KIAA1586: variants seen among roughly 807,000 people sequenced by gnomAD.
KIAA1586 encodes KIAA1586.
A neutral mutation model predicts 6.1 loss-of-function variants in KIAA1586; 5 were observed. The observed-to-expected ratio is 0.82, with a 90% CI of 0.43 to 1.73. The LOEUF is 1.73. Among genes scored for constraint, KIAA1586 ranks in the 40% most tolerant of loss-of-function variants. The pLI, the probability that KIAA1586 is intolerant of heterozygous loss-of-function variation, is 0.02. For missense variants in KIAA1586, 899 were observed against 878.2 expected, an observed-to-expected ratio of 1.02 and a Z score of -0.30; for synonymous variants, 280 against 301.7, an observed-to-expected ratio of 0.93 and a Z score of 0.75.
At chr6:57,060,881 C>T in the KIAA1586 span, among the ~76,000 whole-genome samples, 1 of 152,054 alleles carries the variant, frequency 6.6e-6, no homozygotes, top group Non-Finnish European at 1.5e-5. Context: ...GAACCCCTGG[C>T]CTCAAGTGAT....
rs201141258 is a variant in KIAA1586, at chr6:57,050,778, G to A, written c.110G>A (p.Gly37Glu). Residue 37 changes from glycine to glutamate, a missense_variant, in exon 3 of 4, where the codon GGA (glycine) becomes GAA (glutamate). Gly to Glu is a moderately conservative substitution (Grantham distance 98). Coordinates refer to ENST00000370733, the MANE Select transcript of KIAA1586 (RefSeq NM_020931.4). Reference protein sequence around the residue: ...NEDDIQFVSEGPSRPVLEYID... With the variant: ...NEDDIQFVSEEPSRPVLEYID... ...ATTTGCCCACTTCCTTTTTAGGAAGGACCATCGAGACCTGTTCTTGAATAC... is the reference window on the plus strand; with the variant it reads ...ATTTGCCCACTTCCTTTTTAGGAAGAACCATCGAGACCTGTTCTTGAATAC... 1.9e-6 allele frequency: 3 copies of A among 1,609,634 alleles called. No homozygotes were observed. The highest frequency in any genetic ancestry group is 2.5e-6 in the Non-Finnish European group (3 of 1,177,200).
chr6:57,062,481 A>G, the KIAA1586 span, among the ~76,000 whole-genome samples: 2 of 152,210 alleles, frequency 1.3e-5, no homozygotes, highest in African/African-American at 4.8e-5. Context: ...GAACTACAAG[A>G]TTTCAGAGCA....
At position 57,052,858 on chromosome 6, in the gene KIAA1586, C is replaced by T; in HGVS notation, c.359C>T (p.Pro120Leu). 6.2e-7 allele frequency: 1 copy of T among 1,612,468 alleles called. No individual in the cohort carries two copies. The highest frequency in any genetic ancestry group is 8.5e-7 in the Non-Finnish European group (1 of 1,179,340). The change falls in exon 4 of 4, where the codon CCA becomes CTA. Residue 120 changes from proline to leucine, a missense_variant. Transcript: ENST00000370733. Reference protein sequence around the residue: ...YIEQPIIEEKPSLSSKKEIDN... With the variant: ...YIEQPIIEEKLSLSSKKEIDN... ...GAACAACCAATCATTGAAGAAAAGC[C>T]ATCACTTTCATCAAAGAAAGAAATA...
At chr6:57,062,912 G>A in the KIAA1586 span, among the ~76,000 whole-genome samples, 1 of 152,102 alleles carries the variant, frequency 6.6e-6, no homozygotes, top group Non-Finnish European at 1.5e-5. Context: ...TTAGCCGGGC[G>A]TGGCGGCATG....
chr6:57,063,791 C>T, the KIAA1586 span, among the ~76,000 whole-genome samples: 40 of 152,180 alleles, frequency 2.6e-4, no homozygotes, highest in African/African-American at 9.4e-4. Flanking sequence ...TTATTATTAA[C>T]AATTTTTATT....
chr6:57,052,539 A>G, intron 3 of KIAA1586, 147 bp from the exon 4 acceptor site: 1 of 526,160 alleles, frequency 1.9e-6, no homozygotes, highest in Non-Finnish European at 3.0e-6. Context: ...AGCAAGTCAT[A>G]TTGATATTAT....
At chr6:57,050,630 G>C (rs1828294872) in intron 2 of KIAA1586, 144 bp from the exon 3 acceptor site, 1 of 608,674 alleles carries the variant, frequency 1.6e-6, no homozygotes, top group South Asian at 1.9e-5. Flanking sequence ...TGCCCGTTTT[G>C]TTTCTAATTA....
chr6:57,063,253 A>G, the KIAA1586 span, among the ~76,000 whole-genome samples: 1 of 152,102 alleles, frequency 6.6e-6, no homozygotes, highest in Admixed American at 6.5e-5. Flanking sequence ...TAATCAACAA[A>G]TATTACCAGA....
At chr6:57,063,625 T>C in the KIAA1586 span, among the ~76,000 whole-genome samples, 1 of 151,940 alleles carries the variant, frequency 6.6e-6, no homozygotes, top group Non-Finnish European at 1.5e-5. Context: ...GTCTAATTTT[T>C]GTATTTTTAG....
chr6:57,051,926 A>G (rs1828339615), intron 3 of KIAA1586, among the ~76,000 whole-genome samples: 2 of 152,192 alleles, frequency 1.3e-5, no homozygotes, highest in Non-Finnish European at 1.5e-5. Flanking sequence ...GTGAGCTGAG[A>G]TCGCGCCACT....
rs1593049853 is a variant in KIAA1586 at position 57,053,240 on chromosome 6, A to G, written c.741A>G (p.Val247=). Reference sequence around the variant, plus strand: ...ATAATAAAAATATTGATGCTACTGTAAAAGTTTTCAATACTGTTTACAGTT... The same window carrying G: ...ATAATAAAAATATTGATGCTACTGTGAAAGTTTTCAATACTGTTTACAGTT... The part of the protein sequence containing the change: ...KQNNKNIDAT[V]KVFNTVYSLV... Residue 247 remains valine, a synonymous_variant, in exon 4 of 4, where the codon GTA becomes GTG. Transcript: ENST00000370733. 1 of 1,599,812 alleles carries G rather than the reference A, an allele frequency of 6.3e-7. No homozygotes were observed. Among genetic ancestry groups the G allele is most frequent in the African/African-American group, 1.4e-5 (1 of 73,940 alleles).
chr6:57,061,441 G>A, the KIAA1586 span, among the ~76,000 whole-genome samples: 2 of 151,878 alleles, frequency 1.3e-5, no homozygotes, highest in African/African-American at 4.8e-5. Flanking sequence ...TGCCCAGGTG[G>A]GAGTGCAGTG....
the KIAA1586 span, among the ~76,000 whole-genome samples, chr6:57,064,671 G>A: frequency 6.6e-6 from 1 of 152,142 alleles, no homozygotes; most frequent in Non-Finnish European, 1.5e-5. Flanking sequence ...ATGGTGGGAG[G>A]CCCGGGGGTT....
At chr6:57,065,609 C>G in the KIAA1586 span, among the ~76,000 whole-genome samples, 126 of 152,010 alleles carry the variant, frequency 8.3e-4, no homozygotes, top group African/African-American at 2.9e-3. Context: ...ACCTCTACCT[C>G]CCAAGTAGCT....
Position 57,054,299 on chromosome 6 carries a change from T to A in KIAA1586, c.1800T>A (p.Ala600=). ...IPFNKNNKFN[A]LPRSILLDNI... is the part of the protein sequence containing the mutation. The stretch of plus-strand genomic sequence containing the variant: ...TTAATAAAAACAATAAATTTAATGC[T>A]CTTCCTAGGAGTATATTACTAGACA... Residue 600 remains alanine (A), a synonymous_variant, in exon 4 of 4, where the codon GCT becomes GCA. Coordinates refer to ENST00000370733, the MANE Select transcript of KIAA1586 (RefSeq NM_020931.4). The A allele has an allele frequency of 6.3e-7, 1 of 1,580,214 alleles. No homozygotes were observed. The highest frequency in any genetic ancestry group is 8.6e-7 in the Non-Finnish European group (1 of 1,166,498).
chr6:57,048,833 G>A (rs936690360), intron 2 of KIAA1586, among the ~76,000 whole-genome samples: 5 of 152,132 alleles, frequency 3.3e-5, no homozygotes, highest in Admixed American at 2.0e-4. Context: ...CATGATCCAT[G>A]TGCCGTTGAG....
downstream of KIAA1586, among the ~76,000 whole-genome samples, chr6:57,056,384 T>C (rs990139982): frequency 3.3e-5 from 5 of 151,702 alleles, no homozygotes; most frequent in Non-Finnish European, 7.4e-5. Flanking sequence ...TTTTTTTGTA[T>C]TTTTTATAGA....
At chr6:57,055,753 A>ACAAC (rs1385971960), downstream of KIAA1586, among the ~76,000 whole-genome samples, 7 of 152,218 alleles carry the variant, frequency 4.6e-5, no homozygotes, top group African/African-American at 1.7e-4. Flanking sequence ...TCAAGTGGCG[A>ACAAC]TGCAGAACCT....
chr6:57,053,508 A>T lies in KIAA1586; in HGVS notation c.1009A>T (p.Thr337Ser). ...CACCCTAGTGATTTATCTCCAGTGC[A>T]CAATTCAGTCAGCTCCTGCACCTGT... ...KTTLVIYLQCTIQSAPAPVML... is the reference protein window; with the variant it reads ...KTTLVIYLQCSIQSAPAPVML... The change falls in exon 4 of 4, where the codon ACA becomes TCA. Residue 337 changes from threonine (T) to serine (S), a missense_variant. Coordinates refer to ENST00000370733, the MANE Select transcript of KIAA1586 (RefSeq NM_020931.4). The T allele has an allele frequency of 6.2e-7, 1 of 1,613,650 alleles. No homozygotes were observed. The highest frequency in any genetic ancestry group is 8.5e-7 in the Non-Finnish European group (1 of 1,179,788).
Sources: allele counts gnomAD v4.1 joint callset (sites outside exome capture counted in the v4.1 genomes callset), GRCh38; gene constraint gnomAD v4.1.1; transcripts MANE v1.5; gene names NCBI Gene and HGNC (gene_info 2026-07-23, HGNC 2026-07-21).